TRAPPC9: variants seen among roughly 807,000 people sequenced by gnomAD.
TRAPPC9 encodes IKK2 binding protein.
In TRAPPC9, 83 loss-of-function variants were observed where a neutral mutation model predicts 124.0. The ratio of observed to expected loss-of-function variants is 0.67; its 90% CI spans 0.56 to 0.80. The LOEUF (loss-of-function observed/expected upper bound fraction) is 0.80. Ranked by LOEUF, TRAPPC9 falls within the 30% of genes least tolerant of loss-of-function variation. The pLI is 0.00. For missense variants in TRAPPC9, 1,302 were observed against 1,508.3 expected, an observed-to-expected ratio of 0.86 and a Z score of 2.27; for synonymous variants, 638 against 617.5, an observed-to-expected ratio of 1.03 and a Z score of -0.49.
chr8:140,428,413 C>T (rs920261398), intron 4 of TRAPPC9, among the ~76,000 whole-genome samples: 1 of 152,168 alleles, frequency 6.6e-6, no homozygotes, highest in Non-Finnish European at 1.5e-5. Context: ...AAATCACAGG[C>T]AGGAGATAAG....
intron 17 of TRAPPC9, among the ~76,000 whole-genome samples, chr8:140,083,728 G>A (rs564684556): frequency 9.2e-5 from 14 of 152,066 alleles, no homozygotes; most frequent in East Asian, 3.9e-4. Flanking sequence ...GTGCAGTGGC[G>A]TGATCTCAGC....
At chr8:140,120,301 C>T (rs534798072) in intron 17 of TRAPPC9, among the ~76,000 whole-genome samples, 3 of 152,212 alleles carry the variant, frequency 2.0e-5, no homozygotes, top group Non-Finnish European at 2.9e-5. Flanking sequence ...ACAGAGCCAG[C>T]ACCAAGCTGA....
intron 21 of TRAPPC9, among the ~76,000 whole-genome samples, chr8:139,841,252 C>T (rs1475494984): frequency 1.3e-5 from 2 of 152,324 alleles, no homozygotes; most frequent in East Asian, 1.9e-4. Flanking sequence ...TCGTGATTAC[C>T]CTGGGCTTGA....
chr8:140,076,676 G>A (rs762257555), intron 17 of TRAPPC9, among the ~76,000 whole-genome samples: 3 of 152,162 alleles, frequency 2.0e-5, no homozygotes, highest in East Asian at 1.9e-4. Context: ...AAGATCGGCC[G>A]TGGCACCCCA....
intron 17 of TRAPPC9, among the ~76,000 whole-genome samples, chr8:140,085,725 C>A (rs1390200285): frequency 6.6e-6 from 1 of 152,200 alleles, no homozygotes; most frequent in Non-Finnish European, 1.5e-5. Flanking sequence ...CTGAGGTCCA[C>A]GCCACCCTGC....
intron 21 of TRAPPC9, among the ~76,000 whole-genome samples, chr8:139,769,813 C>T (rs1820829742): frequency 6.6e-6 from 1 of 152,194 alleles, no homozygotes; most frequent in Admixed American, 6.5e-5. Context: ...CTGATTTGTA[C>T]AAATTGTTTA....
At chr8:140,442,664 G>A (rs1474685430) in intron 2 of TRAPPC9, among the ~76,000 whole-genome samples, 7 of 151,478 alleles carry the variant, frequency 4.6e-5, no homozygotes, top group Non-Finnish European at 8.8e-5. Flanking sequence ...ATGGCTTATG[G>A]AAAACAAGAG....
chr8:140,155,374 A>G (rs925057871), intron 17 of TRAPPC9, among the ~76,000 whole-genome samples: 3 of 152,186 alleles, frequency 2.0e-5, no homozygotes, highest in Non-Finnish European at 4.4e-5. Context: ...GTGTGCTCCC[A>G]CCACTGGCTG....
rs1436019171 is a variant in TRAPPC9 at position 140,134,259 on chromosome 8, ATT to A, written c.2556+87198_2556+87199del. Among the ~76,000 whole-genome samples the A allele has an allele frequency of 2.0e-5, 3 of 149,456 alleles. No homozygotes were observed. The East Asian group carries it at 5.8e-4, about 29-fold the overall frequency. The stretch of plus-strand genomic sequence containing the variant: ...AAACTCATACTTCTATAGCCAATTG[ATT>A]GTCTTCTTTTTTTTTTCTTTTCCGG... On this transcript the variant is annotated intron_variant, in intron 17 of 22. Coordinates refer to ENST00000438773, the MANE Select transcript of TRAPPC9 (RefSeq NM_001160372.4).
chr8:140,286,005 G>A lies in TRAPPC9; in HGVS notation c.1981+1603C>T, dbSNP rs116756494. Among the ~76,000 whole-genome samples, 488 of 152,336 alleles carry A rather than the reference G, an allele frequency of 3.2e-3. 1 individual carries two copies. Among genetic ancestry groups the A allele is most frequent in the African/African-American group, 0.011 (464 of 41,574 alleles). Reference sequence around the variant, plus strand: ...AATAGGCACGGAGCTGCAGCTGAGCGAGACACACGAGGCCAGCAAGGAATC... The same window carrying A: ...AATAGGCACGGAGCTGCAGCTGAGCAAGACACACGAGGCCAGCAAGGAATC... On this transcript the variant is annotated intron_variant, in intron 13 of 22. Coordinates refer to ENST00000438773, the MANE Select transcript of TRAPPC9 (RefSeq NM_001160372.4).
At chr8:139,787,810 G>A (rs937974374) in intron 21 of TRAPPC9, among the ~76,000 whole-genome samples, 4 of 152,168 alleles carry the variant, frequency 2.6e-5, no homozygotes, top group East Asian at 1.9e-4. Flanking sequence ...ACAGGAAGAC[G>A]GCTCCCAGGG....
At chr8:140,372,000 G>A (rs1338467222) in intron 7 of TRAPPC9, among the ~76,000 whole-genome samples, 2 of 152,234 alleles carry the variant, frequency 1.3e-5, no homozygotes, top group African/African-American at 4.8e-5. Context: ...ACCACGCCCA[G>A]CCAACAACTT....
chr8:139,970,790 C>T (rs568184344), intron 19 of TRAPPC9, among the ~76,000 whole-genome samples: 4 of 152,148 alleles, frequency 2.6e-5, no homozygotes, highest in African/African-American at 4.8e-5. Flanking sequence ...GCCTGCAATG[C>T]GCAGCCCAGT....
intron 19 of TRAPPC9, among the ~76,000 whole-genome samples, chr8:139,929,854 G>T (rs961917011): frequency 6.6e-6 from 1 of 152,192 alleles, no homozygotes; most frequent in African/African-American, 2.4e-5. Context: ...TCTGGGGTCT[G>T]CCCTCCCCAC....
At chr8:139,829,311 A>T (rs1295421792) in intron 21 of TRAPPC9, among the ~76,000 whole-genome samples, 1 of 152,246 alleles carries the variant, frequency 6.6e-6, no homozygotes, top group Non-Finnish European at 1.5e-5. Context: ...TCTCACAATC[A>T]CTGTGCAGAC....
rs547426951 is a variant in TRAPPC9, at chr8:139,810,467, C to T, written c.3055+75412G>A. ...ATCGTGTTGGGACCTTGAAACTGGCCACTACAGGAGTGTTTACATCTCAGA... is the reference window on the plus strand; with the variant it reads ...ATCGTGTTGGGACCTTGAAACTGGCTACTACAGGAGTGTTTACATCTCAGA... On this transcript the variant is annotated intron_variant, in intron 21 of 22. Coordinates refer to ENST00000438773, the MANE Select transcript of TRAPPC9 (RefSeq NM_001160372.4). Among the ~76,000 whole-genome samples the T allele has an allele frequency of 8.5e-5, 13 of 152,260 alleles. 1 individual carries two copies. In the South Asian group the frequency reaches 2.5e-3, roughly 29 times the overall value.
rs528719629 is a variant in TRAPPC9, at chr8:140,298,655, G to T, written c.1768+1814C>A. Among the ~76,000 whole-genome samples the T allele has an allele frequency of 1.5e-3, 229 of 148,894 alleles. 1 individual carries two copies. The highest frequency in any genetic ancestry group is 5.5e-3 in the African/African-American group (222 of 40,654). ...TGACAGAGCTAGACCCTGTCTCAAA[G>T]AAAAAAAAAAGATGATGTGCTACAC... On this transcript the variant is annotated intron_variant, in intron 11 of 22. Coordinates refer to ENST00000438773, the MANE Select transcript of TRAPPC9 (RefSeq NM_001160372.4).
At chr8:140,335,705 A>ATTT (rs10622473) in intron 9 of TRAPPC9, among the ~76,000 whole-genome samples, 38,914 of 131,420 alleles carry the variant, frequency 0.3, 6,583 homozygotes, top group East Asian at 0.64. Context: ...AGTCTTCACA[A>ATTT]TTTTTTTTTT....
At chr8:139,827,944 C>A (rs963411997) in intron 21 of TRAPPC9, among the ~76,000 whole-genome samples, 4 of 152,172 alleles carry the variant, frequency 2.6e-5, no homozygotes, top group South Asian at 2.1e-4. Context: ...GGGAGAGGTG[C>A]CACGCTCTTT....
Sources: gnomAD v4.1 joint callset for allele counts (sites outside exome capture counted in the v4.1 genomes callset) on GRCh38, gnomAD v4.1.1 for gene constraint, MANE v1.5 for transcripts, NCBI Gene and HGNC (gene_info 2026-07-23, HGNC 2026-07-21) for gene names.